The following TTLL4 variants were observed in gnomAD, a reference collection of about 807,000 sequenced individuals.
TTLL4 encodes the protein tubulin monoglutamylase TTLL4.
TTLL4 carries 85 observed loss-of-function variants against 122.7 expected under a neutral mutation model. The observed-to-expected ratio is 0.69, with a 90% confidence interval of 0.58 to 0.83. TTLL4 has a LOEUF of 0.83. Ranked by LOEUF, TTLL4 falls within the 40% of genes least tolerant of loss-of-function variation. TTLL4 has a pLI of 0.00. For synonymous variants in TTLL4, 553 were observed against 563.0 expected, an observed-to-expected ratio of 0.98 and a Z score of 0.25; for missense variants, 1,363 against 1,488.6, an observed-to-expected ratio of 0.92 and a Z score of 1.39.
At position 218,746,756 on chromosome 2, in the gene TTLL4, G is replaced by A. The variant is rs1942854547; in HGVS notation, c.1975-247G>A. On this transcript the variant is annotated intron_variant, in intron 8 of 19. Coordinates refer to ENST00000392102, the MANE Select transcript of TTLL4 (RefSeq NM_014640.5). ...GGGTTTCATGGATAAAGATGTAATA[G>A]CTTTTTCTTTGCACTTAAGGTGAAT... 4 of 531,698 alleles carry A rather than the reference G, an allele frequency of 7.5e-6. No homozygotes were observed. The South Asian group carries it at 7.6e-5, about 10-fold the overall frequency. The allele number at this position is 531,698 out of a possible 1,614,324, so 32.9% of individuals were successfully genotyped here.
chr2:218,736,739 T>C (rs1310404856), intron 2 of TTLL4, among the ~76,000 whole-genome samples: 1 of 152,152 alleles, frequency 6.6e-6, no homozygotes, highest in Non-Finnish European at 1.5e-5. Flanking sequence ...GCAAGGGAAT[T>C]CTCTTCTCCT....
chr2:218,738,652 G>A lies in TTLL4; in HGVS notation c.976G>A (p.Asp326Asn). 6.2e-7 allele frequency: 1 copy of A among 1,614,236 alleles called. No individual in the cohort carries two copies. Among genetic ancestry groups the A allele is most frequent in the Non-Finnish European group, 8.5e-7 (1 of 1,180,044 alleles). Residue 326 changes from aspartate to asparagine, a missense_variant, in exon 3 of 20, where the codon GAT (aspartate) becomes AAT (asparagine). This residue lies in a region of TTLL4 where 760 missense variants were observed against 808.4 expected (regional missense o/e 0.94). Coordinates refer to ENST00000392102, the MANE Select transcript of TTLL4 (RefSeq NM_014640.5). ...PLSCALDDSS[D>N]SQDPTKEIRF... ...TTCCTGTGCTCTGGATGACAGCTCT[G>A]ATTCCCAGGATCCAACTAAGGAGAT...
At chr2:218,727,373 A>G (rs1429954526) in intron 2 of TTLL4, 26 bp downstream of exon 2, 2 of 152,104 alleles carry the variant, frequency 1.3e-5, no homozygotes, top group African/African-American at 4.8e-5. Context: ...TCTCAGTTCT[A>G]AGATTTGTTT....
At chr2:218,729,131 G>A (rs570592573) in intron 2 of TTLL4, among the ~76,000 whole-genome samples, 7 of 151,796 alleles carry the variant, frequency 4.6e-5, no homozygotes, top group Non-Finnish European at 5.9e-5. Context: ...ACGGGGTTTC[G>A]CCATGTTGGC....
chr2:218,712,233 T>G (rs1362297392), intron 1 of TTLL4, among the ~76,000 whole-genome samples: 1 of 152,146 alleles, frequency 6.6e-6, no homozygotes, highest in Non-Finnish European at 1.5e-5. Context: ...AGGGGTTAGA[T>G]CACAAAGGGC....
Position 218,711,473 on chromosome 2 carries a change from C to T in TTLL4, c.-178+436C>T, listed in dbSNP as rs571140601. Among the ~76,000 whole-genome samples, 20 of 152,336 alleles carry T rather than the reference C, an allele frequency of 1.3e-4. 1 individual carries two copies. The South Asian group carries it at 4.1e-3, about 32-fold the overall frequency. On this transcript the variant is annotated intron_variant, in intron 1 of 19. Transcript: ENST00000392102. ...CATCCTCAGTATCTGTAGAAGAATA[C>T]GTTCCTAAACTCCACAGATTCAAAC... is the stretch of plus-strand genomic sequence containing the variant.
In TTLL4 at chr2:218,739,090, A is replaced by AT. The variant is rs758441701; in HGVS notation, c.1415dup (p.Gln473ProfsTer6). ...CAACGTGGCCACCCGCCTCTCTTCC[A>AT]TCCAGCTGGGCCAGTCTGAGAAGGA... is the stretch of plus-strand genomic sequence containing the variant. On this transcript the variant is annotated frameshift_variant, in exon 3 of 20. Coordinates refer to ENST00000392102, the MANE Select transcript of TTLL4 (RefSeq NM_014640.5). LOFTEE classifies it high-confidence loss of function. 1.9e-6 allele frequency: 3 copies of AT among 1,614,114 alleles called. No individual in the cohort carries two copies. The highest frequency in any genetic ancestry group is 8.5e-7 in the Non-Finnish European group (1 of 1,180,012).
At chr2:218,729,300 TC>T (rs1179503248) in intron 2 of TTLL4, among the ~76,000 whole-genome samples, 1 of 152,044 alleles carries the variant, frequency 6.6e-6, no homozygotes, top group Non-Finnish European at 1.5e-5. Flanking sequence ...GTTTTCTATG[TC>T]CTTGGTCCCA....
At position 218,738,462 on chromosome 2, in the gene TTLL4, A is replaced by G. The variant is rs1318338113; in HGVS notation, c.786A>G (p.Ala262=). 3 of 1,614,180 alleles carry G rather than the reference A, an allele frequency of 1.9e-6. No individual in the cohort carries two copies. The highest frequency in any genetic ancestry group is 2.5e-6 in the Non-Finnish European group (3 of 1,180,030). The change falls in exon 3 of 20, where the codon GCA becomes GCG. Residue 262 remains alanine (A), a synonymous_variant. Transcript: ENST00000392102. The part of the protein sequence containing the change: ...WHHSGGTGDC[A]PQPVDHKVPK... ...ATTCAGGGGGTACTGGAGACTGTGC[A>G]CCGCAGCCTGTTGACCATAAGGTGC...
chr2:218,748,163 G>A lies in TTLL4; in HGVS notation c.2437G>A (p.Val813Ile), dbSNP rs114249118. 1 of 1,614,150 alleles carries A rather than the reference G, an allele frequency of 6.2e-7. No homozygotes were observed. The highest frequency in any genetic ancestry group is 1.3e-5 in the African/African-American group (1 of 75,030). The change falls in exon 12 of 20, where the codon GTC (valine) becomes ATC (isoleucine). Residue 813 changes from valine to isoleucine, a missense_variant. This residue lies in a region of TTLL4 where 596 missense variants were observed against 655.8 expected (regional missense o/e 0.91). Transcript: ENST00000392102. ...GTTCATGCACCTGACCAACTACAGT[G>A]TCAATAAAAAGAATGCCGAGTACCA... ...NKFMHLTNYS[V>I]NKKNAEYQAN...
chr2:218,758,364 T>C (rs1395372590), downstream of TTLL4, among the ~76,000 whole-genome samples: 2 of 152,090 alleles, frequency 1.3e-5, no homozygotes, highest in Non-Finnish European at 1.5e-5. Context: ...GACTAAAATA[T>C]GGAGGAAAAG....
chr2:218,720,050 T>C (rs2106394676), intron 1 of TTLL4, among the ~76,000 whole-genome samples: 2 of 152,240 alleles, frequency 1.3e-5, no homozygotes, highest in African/African-American at 4.8e-5. Flanking sequence ...TTAGTTTTCC[T>C]CTTAGGTGAT....
chr2:218,743,930 C>T (rs1247615565), intron 5 of TTLL4, among the ~76,000 whole-genome samples: 7 of 152,202 alleles, frequency 4.6e-5, no homozygotes, highest in African/African-American at 9.7e-5. Flanking sequence ...CCGCCTGCCT[C>T]AGCCTCCCAA....
chr2:218,719,428 A>G (rs371643076), intron 1 of TTLL4, among the ~76,000 whole-genome samples: 7 of 152,160 alleles, frequency 4.6e-5, no homozygotes, highest in African/African-American at 1.7e-4. Context: ...TAAATAAAAT[A>G]TGGTAAGGAT....
At chr2:218,714,566 G>C (rs1027285740) in intron 1 of TTLL4, among the ~76,000 whole-genome samples, 1 of 151,974 alleles carries the variant, frequency 6.6e-6, no homozygotes, top group African/African-American at 2.4e-5. Flanking sequence ...GAGAGTGCTC[G>C]TTTCTCTTAG....
In TTLL4 at chr2:218,738,609, C is replaced by T. The variant is rs368583143; in HGVS notation, c.933C>T (p.Ala311=). 4 of 1,614,098 alleles carry T rather than the reference C, an allele frequency of 2.5e-6. No homozygotes were observed. The highest frequency in any genetic ancestry group is 3.4e-6 in the Non-Finnish European group (4 of 1,180,040). ...ASSWYNRNNL[A]MRAEPLSCAL... is the part of the protein sequence containing the mutation. The stretch of plus-strand genomic sequence containing the variant: ...CCTGGTATAACCGGAATAACTTAGC[C>T]ATGAGGGCAGAGCCACTTTCCTGTG... The change falls in exon 3 of 20, where the codon GCC becomes GCT. Residue 311 remains alanine (A), a synonymous_variant. Coordinates refer to ENST00000392102, the MANE Select transcript of TTLL4 (RefSeq NM_014640.5).
chr2:218,720,469 G>T (rs1014886266), intron 1 of TTLL4, among the ~76,000 whole-genome samples: 2 of 152,096 alleles, frequency 1.3e-5, no homozygotes, highest in Non-Finnish European at 2.9e-5. Flanking sequence ...GATATAATAA[G>T]AAATACTCCA....
chr2:218,728,003 T>TA (rs1234429798), intron 2 of TTLL4: 1 of 152,126 alleles, frequency 6.6e-6, no homozygotes, highest in Non-Finnish European at 1.5e-5. Context: ...CCTGTTGACT[T>TA]ATCTTTTTTT....
At position 218,751,787 on chromosome 2, in the gene TTLL4, C is replaced by T; in HGVS notation, c.2957C>T (p.Thr986Ile). 6.2e-7 allele frequency: 1 copy of T among 1,612,444 alleles called. No individual in the cohort carries two copies. The highest frequency in any genetic ancestry group is 1.1e-5 in the South Asian group (1 of 90,848). The change falls in exon 16 of 20, where the codon ACC (threonine) becomes ATC (isoleucine). Residue 986 changes from threonine (T) to isoleucine (I), a missense_variant. Coordinates refer to ENST00000392102, the MANE Select transcript of TTLL4 (RefSeq NM_014640.5). ...AQKMKKAYYLTQKIPDQDFYA... is the reference protein window; with the variant it reads ...AQKMKKAYYLIQKIPDQDFYA... Reference sequence around the variant, plus strand: ...AAGATGAAGAAAGCCTATTATCTGACCCAGAAAATTCCTGATCAGGTAGGA... The same window carrying T: ...AAGATGAAGAAAGCCTATTATCTGATCCAGAAAATTCCTGATCAGGTAGGA...
Sources: allele counts gnomAD v4.1 joint callset (sites outside exome capture counted in the v4.1 genomes callset), GRCh38; gene constraint gnomAD v4.1.1; regional missense constraint gnomAD v4.1.1; transcripts MANE v1.5; gene names NCBI Gene and HGNC (gene_info 2026-07-23, HGNC 2026-07-21).